Variants in MAML1 observed in about 807,000 individuals in gnomAD.
The protein encoded by MAML1 is mastermind-like protein 1.
MAML1 carries 14 observed loss-of-function variants against 77.1 expected under a neutral mutation model. The ratio of observed to expected loss-of-function variants is 0.18; its 90% CI spans 0.12 to 0.28. The LOEUF is 0.28. Ranked by LOEUF, MAML1 falls within the 10% of genes least tolerant of loss-of-function variation. MAML1 has a pLI of 1.00. For synonymous variants in MAML1, 516 were observed against 551.9 expected, an observed-to-expected ratio of 0.93 and a Z score of 0.91; for missense variants, 1,217 against 1,327.8, an observed-to-expected ratio of 0.92 and a Z score of 1.30.
At chr5:179,767,968 C>T (rs1211126465) in intron 2 of MAML1, among the ~76,000 whole-genome samples, 1 of 152,224 alleles carries the variant, frequency 6.6e-6, no homozygotes, top group Non-Finnish European at 1.5e-5. Flanking sequence ...TATATATTGA[C>T]AGAGAATATC....
intron 4 of MAML1, among the ~76,000 whole-genome samples, chr5:179,773,563 C>T (rs893045887): frequency 1.3e-5 from 2 of 152,274 alleles, no homozygotes; most frequent in African/African-American, 2.4e-5. Context: ...CTCCCAGAGG[C>T]GGATCTTGCG....
At chr5:179,770,215 G>A (rs946853788) in intron 3 of MAML1, among the ~76,000 whole-genome samples, 5 of 152,114 alleles carry the variant, frequency 3.3e-5, no homozygotes, top group Non-Finnish European at 5.9e-5. Flanking sequence ...TTGGGAGGCC[G>A]AGGTGGGCGG....
chr5:179,772,100 C>T (rs1251527613), intron 4 of MAML1, among the ~76,000 whole-genome samples: 2 of 152,198 alleles, frequency 1.3e-5, no homozygotes, highest in East Asian at 1.9e-4. Context: ...TTTCAGCTCT[C>T]CTCTTTTCCT....
chr5:179,773,693 C>A, intron 4 of MAML1: 2 of 969,322 alleles, frequency 2.1e-6, no homozygotes, highest in Non-Finnish European at 2.5e-6. Context: ...GGGCTTTGCC[C>A]TTCCTCTGTG....
chr5:179,765,468 A>G lies in MAML1; in HGVS notation c.458A>G (p.Asn153Ser), dbSNP rs1025289275. 6 of 1,614,076 alleles carry G rather than the reference A, an allele frequency of 3.7e-6. No homozygotes were observed. The highest frequency in any genetic ancestry group is 1.7e-5 in the Admixed American group (1 of 60,010). Residue 153 changes from asparagine to serine, a missense_variant, in exon 2 of 5, where the codon AAT becomes AGT. Coordinates refer to ENST00000292599, the MANE Select transcript of MAML1 (RefSeq NM_014757.5). ...EAPLGVAISS[N>S]GLPPASPLGQ... ...CCTCTGGGAGTTGCCATCTCTTCCA[A>G]TGGACTGCCTCCAGCCTCCCCCCTC...
At position 179,753,663 on chromosome 5, in the gene MAML1, T is replaced by TA. The variant is rs1554150384; in HGVS notation, c.316-11663_316-11662insA. ...TTTTATTATTATTATTATTTTTTTT[T>TA]TTTTTTTTTTTTTTGAGGCAGAGTT... On this transcript the variant is annotated intron_variant, in intron 1 of 4. Transcript: ENST00000292599. 1.4e-4 allele frequency among the ~76,000 whole-genome samples: 17 copies of TA among 125,144 alleles called. 1 individual carries two copies. In the South Asian group the frequency reaches 2.0e-3, roughly 15 times the overall value. 82.1% of individuals were successfully genotyped at this position (125,144 alleles called of 152,430 possible).
At chr5:179,755,575 G>T (rs992647946) in intron 1 of MAML1, among the ~76,000 whole-genome samples, 1 of 151,210 alleles carries the variant, frequency 6.6e-6, no homozygotes, top group African/African-American at 2.4e-5. Context: ...TGGTTGGAGA[G>T]AAAACACTGC....
At position 179,743,546 on chromosome 5, in the gene MAML1, A is replaced by G. The variant is rs147903934; in HGVS notation, c.315+10119A>G. The stretch of plus-strand genomic sequence containing the variant: ...CACGCCCGGCTAATTTTTTTTTTGT[A>G]TTTTTAGTAGAGACGGAGTTTCACC... On this transcript the variant is annotated intron_variant, in intron 1 of 4. Coordinates refer to ENST00000292599, the MANE Select transcript of MAML1 (RefSeq NM_014757.5). Among the ~76,000 whole-genome samples, 412 of 147,798 alleles carry G rather than the reference A, an allele frequency of 2.8e-3. 1 individual carries two copies. Among genetic ancestry groups the G allele is most frequent in the Non-Finnish European group, 5.3e-3 (356 of 67,072 alleles).
rs941114401 is a variant in MAML1, at chr5:179,769,846, C to A, written c.1971+757C>A. Among the ~76,000 whole-genome samples, 9 of 152,132 alleles carry A rather than the reference C, an allele frequency of 5.9e-5. No individual in the cohort carries two copies. Among genetic ancestry groups the A allele is most frequent in the African/African-American group, 1.9e-4 (8 of 41,430 alleles). Reference sequence around the variant, plus strand: ...GAGATTACAGGCGTGAGCCACCACGCCTGGCCTTAAATTACATCTTTAAGA... The same window carrying A: ...GAGATTACAGGCGTGAGCCACCACGACTGGCCTTAAATTACATCTTTAAGA... On this transcript the variant is annotated intron_variant, in intron 3 of 4. Transcript: ENST00000292599. This position sits in a 1 kb window ranked among gnomAD's most constrained non-coding sequence, Gnocchi z 4.2.
At chr5:179,742,745 C>T (rs898179257) in intron 1 of MAML1, among the ~76,000 whole-genome samples, 5 of 151,994 alleles carry the variant, frequency 3.3e-5, no homozygotes, top group Non-Finnish European at 4.4e-5. Flanking sequence ...ACCCAGAAGG[C>T]GGAGGTTGCA....
intron 1 of MAML1, among the ~76,000 whole-genome samples, chr5:179,761,113 G>A (rs899644705): frequency 2.1e-5 from 3 of 142,138 alleles, no homozygotes; most frequent in African/African-American, 7.8e-5. Context: ...ATGGAAGGAG[G>A]CCAGGTGCAA....
At chr5:179,746,663 A>T (rs1779389870) in intron 1 of MAML1, among the ~76,000 whole-genome samples, 1 of 152,160 alleles carries the variant, frequency 6.6e-6, no homozygotes, top group Non-Finnish European at 1.5e-5. Context: ...GTGAGCCACC[A>T]CACCTAGCCA....
intron 1 of MAML1, among the ~76,000 whole-genome samples, chr5:179,743,511 C>T (rs1030084652): frequency 1.1e-4 from 17 of 151,448 alleles, no homozygotes; most frequent in African/African-American, 3.4e-4. Flanking sequence ...GGACTACAGG[C>T]GCCCACCACC....
intron 1 of MAML1, among the ~76,000 whole-genome samples, chr5:179,762,754 A>T (rs141626085): frequency 6.6e-6 from 1 of 152,250 alleles, no homozygotes; most frequent in South Asian, 2.1e-4. Context: ...AGGCTCACTC[A>T]TCCTTGCCCT....
chr5:179,733,097 G>GTGCAGCCCGCGGCCCA lies in MAML1; in HGVS notation c.-13_3dup. The GTGCAGCCCGCGGCCCA allele has an allele frequency of 7.4e-7, 1 of 1,359,556 alleles. No individual in the cohort carries two copies. The highest frequency in any genetic ancestry group is 3.5e-5 in the Admixed American group (1 of 28,442). The allele number at this position is 1,359,556 out of a possible 1,614,324, so 84.2% of individuals were successfully genotyped here. A position where few individuals can be genotyped will look rare whatever the true frequency, so the allele number is the denominator to read the frequency against. ...AGAGGCCCGGCCCCGGGCCCGGCCC[G>GTGCAGCCCGCGGCCCA]TGCAGCCCGCGGCCCATGGTGCTGC... On this transcript the variant is annotated 5_prime_UTR_variant, in exon 1 of 5. The change creates a new upstream start codon in the 5' untranslated region. Coordinates refer to ENST00000292599, the MANE Select transcript of MAML1 (RefSeq NM_014757.5).
At chr5:179,772,527 G>A (rs1756022718) in intron 4 of MAML1, among the ~76,000 whole-genome samples, 1 of 152,146 alleles carries the variant, frequency 6.6e-6, no homozygotes. Flanking sequence ...TCAGTTAATG[G>A]TGTTGTCATA....
At chr5:179,752,834 T>C (rs562483697) in intron 1 of MAML1, among the ~76,000 whole-genome samples, 3 of 152,088 alleles carry the variant, frequency 2.0e-5, no homozygotes, top group African/African-American at 7.2e-5. Context: ...AGTGCAGTGG[T>C]GCAATCTCGG....
intron 1 of MAML1, among the ~76,000 whole-genome samples, chr5:179,736,466 T>C (rs1016643568): frequency 6.6e-6 from 1 of 151,742 alleles, no homozygotes; most frequent in African/African-American, 2.4e-5. Context: ...TTGGCCAGGA[T>C]GGTCTCGATC....
intron 1 of MAML1, among the ~76,000 whole-genome samples, chr5:179,760,941 C>T (rs1388250459): frequency 6.6e-6 from 1 of 151,846 alleles, no homozygotes; most frequent in Admixed American, 6.6e-5. Flanking sequence ...AATACAAAAA[C>T]AAAGTTAGCC....
Sources: allele counts gnomAD v4.1 joint callset (sites outside exome capture counted in the v4.1 genomes callset), GRCh38; gene constraint gnomAD v4.1.1; non-coding constraint Gnocchi (gnomAD v3.1); transcripts MANE v1.5; gene names NCBI Gene and HGNC (gene_info 2026-07-23, HGNC 2026-07-21).